Variants in ZFAT observed in about 807,000 individuals in gnomAD.
The protein encoded by ZFAT is zinc finger and AT-hook domain containing, also known as zinc finger protein ZFAT.
Under a neutral mutation model 117.7 loss-of-function variants are expected in ZFAT, and 64 were observed. The observed-to-expected ratio is 0.54, with a 90% CI of 0.44 to 0.67. ZFAT has a LOEUF of 0.67. Among genes scored for constraint, ZFAT ranks in the 30% least tolerant of loss-of-function variants. The pLI, the probability that ZFAT is intolerant of heterozygous loss-of-function variation, is 0.00. For synonymous variants in ZFAT, 679 were observed against 615.0 expected (o/e 1.10, Z -1.54); for missense variants, 1,433 against 1,584.5 (o/e 0.90, Z 1.62).
intron 11 of ZFAT, among the ~76,000 whole-genome samples, chr8:134,560,097 C>G (rs540998814): frequency 6.6e-6 from 1 of 152,128 alleles, no homozygotes; most frequent in Non-Finnish European, 1.5e-5. Context: ...AATCAATCTA[C>G]CAAACTATCT....
chr8:134,827,960 C>T, the ZFAT span, among the ~76,000 whole-genome samples: 2 of 152,102 alleles, frequency 1.3e-5, no homozygotes, highest in African/African-American at 4.8e-5. Flanking sequence ...ATTATAATTT[C>T]TAATCATTAC....
At chr8:134,568,330 T>C (rs1281316375) in intron 10 of ZFAT, among the ~76,000 whole-genome samples, 1 of 152,190 alleles carries the variant, frequency 6.6e-6, no homozygotes, top group Non-Finnish European at 1.5e-5. Context: ...TACAGTAACA[T>C]CTTCTTTCAA....
intron 15 of ZFAT, among the ~76,000 whole-genome samples, chr8:134,493,169 C>A (rs1018669225): frequency 6.6e-6 from 1 of 152,196 alleles, no homozygotes; most frequent in Admixed American, 6.5e-5. Flanking sequence ...CAGTCACCAC[C>A]CATTTCCTGT....
At chr8:134,656,509 C>T (rs539527398) in intron 2 of ZFAT, among the ~76,000 whole-genome samples, 1 of 152,214 alleles carries the variant, frequency 6.6e-6, no homozygotes, top group Admixed American at 6.5e-5. Flanking sequence ...AACTTCCTAA[C>T]TTCCCAAAAA....
At chr8:134,791,879 G>A in the ZFAT span, 1 of 152,058 alleles carries the variant, frequency 6.6e-6, no homozygotes, top group African/African-American at 2.4e-5. Context: ...TGTGAAAAAG[G>A]CAGCAAGACT....
chr8:134,825,167 A>T, the ZFAT span, among the ~76,000 whole-genome samples: 1 of 152,202 alleles, frequency 6.6e-6, no homozygotes, highest in Non-Finnish European at 1.5e-5. Flanking sequence ...CTGGTTAAAG[A>T]GGTACATATG....
chr8:134,787,880 T>C, the ZFAT span, among the ~76,000 whole-genome samples: 19 of 152,272 alleles, frequency 1.2e-4, no homozygotes, highest in Admixed American at 3.9e-4. Flanking sequence ...ATTTTATCAA[T>C]TTCTATTTGT....
At chr8:134,481,494 T>C (rs1586548914) in intron 15 of ZFAT, among the ~76,000 whole-genome samples, 1 of 152,160 alleles carries the variant, frequency 6.6e-6, no homozygotes, top group African/African-American at 2.4e-5. Flanking sequence ...CAGTGACTCC[T>C]TCACTGATGG....
chr8:134,622,538 G>A (rs888070261), intron 3 of ZFAT, among the ~76,000 whole-genome samples: 1 of 152,124 alleles, frequency 6.6e-6, no homozygotes, highest in African/African-American at 2.4e-5. Context: ...TTAAGGAACA[G>A]AGACCCGAGC....
chr8:134,506,787 T>C (rs548329467), intron 15 of ZFAT, among the ~76,000 whole-genome samples: 3 of 152,364 alleles, frequency 2.0e-5, no homozygotes, highest in Non-Finnish European at 4.4e-5. Context: ...ATGTACAATG[T>C]AGAATTTGTT....
chr8:134,821,834 T>C, the ZFAT span, among the ~76,000 whole-genome samples: 1 of 152,160 alleles, frequency 6.6e-6, no homozygotes, highest in East Asian at 1.9e-4. Flanking sequence ...CACTCCTCTG[T>C]GTAACCAAAC....
chr8:134,754,201 G>C, the ZFAT span, among the ~76,000 whole-genome samples: 1 of 152,190 alleles, frequency 6.6e-6, no homozygotes, highest in Non-Finnish European at 1.5e-5. Flanking sequence ...GAGAAACAGA[G>C]TCCTTGTGAA....
Position 134,602,939 on chromosome 8 carries a change from A to G in ZFAT, c.786-6T>C. The G allele has an allele frequency of 1.3e-6, 2 of 1,597,474 alleles. No individual in the cohort carries two copies. The highest frequency in any genetic ancestry group is 1.7e-6 in the Non-Finnish European group (2 of 1,171,588). ...TGAGCTGAGTGGGACCTAGCCTAGA[A>G]ACAGATGACAGCATGGTTACATCTG... On this transcript the variant is annotated splice_polypyrimidine_tract_variant and splice_region_variant and intron_variant, in intron 5 of 15. Transcript: ENST00000377838.
intron 2 of ZFAT, among the ~76,000 whole-genome samples, chr8:134,647,683 GA>G (rs1830980815): frequency 6.6e-6 from 1 of 152,034 alleles, no homozygotes; most frequent in Admixed American, 6.6e-5. Flanking sequence ...AATGTTACAA[GA>G]TACAAAATCA....
chr8:134,538,660 G>A (rs1290464663), intron 11 of ZFAT, among the ~76,000 whole-genome samples: 1 of 151,558 alleles, frequency 6.6e-6, no homozygotes, highest in African/African-American at 2.4e-5. Flanking sequence ...AGCCGGGCAT[G>A]GTGGTACATG....
intron 3 of ZFAT, among the ~76,000 whole-genome samples, chr8:134,633,387 A>G (rs1286880266): frequency 6.6e-6 from 1 of 152,264 alleles, no homozygotes; most frequent in African/African-American, 2.4e-5. Context: ...ATTTAAGATA[A>G]TGGCATAAGT....
intron 7 of ZFAT, among the ~76,000 whole-genome samples, chr8:134,596,506 A>C (rs1453737524): frequency 1.3e-5 from 2 of 152,234 alleles, no homozygotes; most frequent in African/African-American, 4.8e-5. Context: ...TAATTTTTGA[A>C]AACCCTTTAA....
At chr8:134,510,300 A>G in intron 14 of ZFAT, 1 of 390,822 alleles carries the variant, frequency 2.6e-6, no homozygotes, top group Non-Finnish European at 5.2e-6. Flanking sequence ...CTGCATCATC[A>G]GGCAGCTATT....
intron 3 of ZFAT, 151 bp from the exon 4 acceptor site, chr8:134,610,806 G>C: frequency 9.5e-6 from 8 of 840,282 alleles, no homozygotes; most frequent in Admixed American, 8.5e-5. Context: ...TAGGTACCAC[G>C]GTGGCTCTTC....
Sources: gnomAD v4.1 joint callset for allele counts (sites outside exome capture counted in the v4.1 genomes callset) on GRCh38, gnomAD v4.1.1 for gene constraint, MANE v1.5 for transcripts, NCBI Gene and HGNC (gene_info 2026-07-23, HGNC 2026-07-21) for gene names.